The following RAB11FIP3 variants were observed in gnomAD, a reference collection of about 807,000 sequenced individuals.
RAB11FIP3 encodes the protein RAB11 family interacting protein 3, also known as rab11 family-interacting protein 3.
In RAB11FIP3, 17 loss-of-function variants were observed where a neutral mutation model predicts 77.8. The observed-to-expected ratio is 0.22, with a 90% CI of 0.15 to 0.33. The LOEUF (loss-of-function observed/expected upper bound fraction) is 0.33, where lower values mean the gene tolerates loss of function less well. RAB11FIP3 is among the 10% of genes least tolerant of loss of function. The probability of loss-of-function intolerance (pLI) is 1.00; values close to 1 mark genes in which losing one functional copy is unlikely to be tolerated. For missense variants in RAB11FIP3, 1,005 were observed against 1,011.2 expected (o/e 0.99, Z 0.08); for synonymous variants, 437 against 448.2 (o/e 0.98, Z 0.31).
intron 7 of RAB11FIP3, 36 bp downstream of exon 7, chr16:503,133 G>A (rs1406378776): frequency 1.3e-6 from 2 of 1,543,978 alleles, no homozygotes; most frequent in African/African-American, 1.4e-5. Context: ...GGCAAGTAGG[G>A]GATTTAGAAC....
At position 492,516 on chromosome 16, in the gene RAB11FIP3, C is replaced by T. The variant is rs11641396; in HGVS notation, c.1265+3516C>T. ...GGGAGACCCGAGGCCGCCCAGGGCC[C>T]TCCCGGGAGACCCGAGGCCGTCCAG... On this transcript the variant is annotated intron_variant, in intron 5 of 13. Transcript: ENST00000262305. Among the ~76,000 whole-genome samples, 259 of 32,714 alleles carry T rather than the reference C, an allele frequency of 7.9e-3. 16 individuals carry two copies. Among genetic ancestry groups the T allele is most frequent in the African/African-American group, 0.039 (246 of 6,332 alleles). The allele number at this position is 32,714 out of a possible 152,430, so 21.5% of individuals were successfully genotyped here.
chr16:465,374 C>G (rs940968163), intron 2 of RAB11FIP3, among the ~76,000 whole-genome samples: 4 of 152,132 alleles, frequency 2.6e-5, no homozygotes, highest in Non-Finnish European at 5.9e-5. Context: ...AATAAGACAG[C>G]CTGTACTTCT....
At chr16:463,085 C>T (rs1370314759) in intron 2 of RAB11FIP3, among the ~76,000 whole-genome samples, 3 of 152,114 alleles carry the variant, frequency 2.0e-5, no homozygotes, top group African/African-American at 7.2e-5. Flanking sequence ...TCACAGTGGC[C>T]GTGCCTTTTC....
intron 2 of RAB11FIP3, among the ~76,000 whole-genome samples, chr16:465,822 C>G (rs933505702): frequency 6.6e-6 from 1 of 152,120 alleles, no homozygotes; most frequent in Non-Finnish European, 1.5e-5. Flanking sequence ...CCAGGCTGGT[C>G]GTGAACTCCT....
chr16:508,716 G>A (rs1463908415), intron 8 of RAB11FIP3, among the ~76,000 whole-genome samples: 1 of 152,146 alleles, frequency 6.6e-6, no homozygotes, highest in Admixed American at 6.5e-5. Context: ...TCCTTTCGCT[G>A]TGGGAAGACT....
chr16:449,875 C>G (rs571003518), intron 1 of RAB11FIP3, among the ~76,000 whole-genome samples: 11 of 121,904 alleles, frequency 9.0e-5, no homozygotes, highest in Admixed American at 5.6e-4. Context: ...TGTTTGAACC[C>G]GGGAAGCAGA....
chr16:505,700 C>A lies in RAB11FIP3; in HGVS notation c.1499+73C>A, dbSNP rs775359955. 1.3e-4 allele frequency: 167 copies of A among 1,271,952 alleles called. No individual in the cohort carries two copies. The highest frequency in any genetic ancestry group is 7.4e-4 in the Middle Eastern group (3 of 4,038). The allele number at this position is 1,271,952 out of a possible 1,614,324, so 78.8% of individuals were successfully genotyped here. A position where few individuals can be genotyped will look rare whatever the true frequency, so the allele number is the denominator to read the frequency against. On this transcript the variant is annotated intron_variant, in intron 8 of 13. Coordinates refer to ENST00000262305, the MANE Select transcript of RAB11FIP3 (RefSeq NM_014700.4). This position sits in a 1 kb window ranked among gnomAD's most constrained non-coding sequence, Gnocchi z 4.0. ...CCCGCCTGTCAGCCCCCATTTACTT[C>A]TCTTTACCTCACACAGCAGGGGCTT...
intron 9 of RAB11FIP3, among the ~76,000 whole-genome samples, chr16:517,757 C>T (rs1175213998): frequency 6.6e-6 from 1 of 152,140 alleles, no homozygotes; most frequent in Non-Finnish European, 1.5e-5. Context: ...ACGGGGACTA[C>T]ACTGTGTCTG....
intron 8 of RAB11FIP3, among the ~76,000 whole-genome samples, chr16:508,380 G>C (rs1371600744): frequency 6.6e-6 from 1 of 152,092 alleles, no homozygotes; most frequent in Non-Finnish European, 1.5e-5. Flanking sequence ...GTTTTGTTTT[G>C]TTTTGTTTTT....
At chr16:503,154 C>A in intron 7 of RAB11FIP3, 57 bp downstream of exon 7, 1 of 1,402,176 alleles carries the variant, frequency 7.1e-7, no homozygotes, top group Non-Finnish European at 1.0e-6. Context: ...ACAGCCACGC[C>A]TAAGGGCCGC....
intron 1 of RAB11FIP3, among the ~76,000 whole-genome samples, chr16:451,961 T>A (rs2055415571): frequency 1.3e-5 from 2 of 152,108 alleles, no homozygotes; most frequent in African/African-American, 4.8e-5. Context: ...CCAGCCTGGC[T>A]AAGATAGTGA....
intron 6 of RAB11FIP3, among the ~76,000 whole-genome samples, chr16:499,755 G>A (rs914055025): frequency 2.1e-4 from 28 of 135,562 alleles, no homozygotes; most frequent in Admixed American, 7.7e-4. Context: ...CCCAGATCAC[G>A]CCACTGCACT....
intron 5 of RAB11FIP3, among the ~76,000 whole-genome samples, chr16:494,802 CAGAGG>C (rs1238637110): frequency 2.6e-5 from 4 of 151,200 alleles, no homozygotes; most frequent in African/African-American, 7.4e-5. Context: ...GTCGAGGCTG[CAGAGG>C]TGGGAGGATC....
chr16:440,143 T>C (rs1160715505), intron 1 of RAB11FIP3, among the ~76,000 whole-genome samples: 1 of 147,260 alleles, frequency 6.8e-6, no homozygotes, highest in Non-Finnish European at 1.5e-5. Flanking sequence ...GCGCCCGGCC[T>C]TCTTGGTTGA....
chr16:483,488 C>T (rs898552718), intron 4 of RAB11FIP3, among the ~76,000 whole-genome samples: 4 of 152,280 alleles, frequency 2.6e-5, no homozygotes, highest in Admixed American at 6.5e-5. Flanking sequence ...TTTATAGCAG[C>T]GACAGCACAC....
At chr16:459,086 A>T (rs114363434) in intron 1 of RAB11FIP3, among the ~76,000 whole-genome samples, 2,852 of 151,688 alleles carry the variant, frequency 0.019, 99 homozygotes, top group African/African-American at 0.064. Flanking sequence ...AAAAATGAAC[A>T]GTTCCTTAAT....
At chr16:473,891 G>A (rs978590088) in intron 3 of RAB11FIP3, among the ~76,000 whole-genome samples, 5 of 151,970 alleles carry the variant, frequency 3.3e-5, no homozygotes, top group African/African-American at 4.8e-5. Context: ...CCGATCCTCC[G>A]TGTCTCCACA....
intron 1 of RAB11FIP3, among the ~76,000 whole-genome samples, chr16:434,323 A>G (rs1193491281): frequency 1.3e-5 from 2 of 152,170 alleles, no homozygotes; most frequent in African/African-American, 4.8e-5. Flanking sequence ...GGGTTTCGCC[A>G]TGTTAGCCCA....
intron 6 of RAB11FIP3, among the ~76,000 whole-genome samples, chr16:502,355 C>G (rs968595458): frequency 6.6e-6 from 1 of 152,238 alleles, no homozygotes; most frequent in Non-Finnish European, 1.5e-5. Flanking sequence ...GAGCCTGGCC[C>G]GGGTAGTAAC....
Sources: allele counts gnomAD v4.1 joint callset (sites outside exome capture counted in the v4.1 genomes callset), GRCh38; gene constraint gnomAD v4.1.1; non-coding constraint Gnocchi (gnomAD v3.1); transcripts MANE v1.5; gene names NCBI Gene and HGNC (gene_info 2026-07-23, HGNC 2026-07-21).